Variants in IQANK1 observed in about 807,000 individuals in gnomAD.
IQANK1 encodes IQ motif and ankyrin repeat containing 1.
IQANK1 carries 30 observed loss-of-function variants against 22.6 expected under a neutral mutation model. The observed-to-expected ratio is 1.33, with a 90% CI of 0.99 to 1.80. The LOEUF (loss-of-function observed/expected upper bound fraction) is 1.80, where lower values mean the gene tolerates loss of function less well. IQANK1 is among the 40% of genes most tolerant of loss of function. The pLI is 0.00. For synonymous variants in IQANK1, 122 were observed against 99.6 expected (o/e 1.23, Z -1.34); for missense variants, 275 against 235.2 (o/e 1.17, Z -1.11).
intron 2 of IQANK1, chr8:143,739,361 C>G (rs919311453): frequency 6.5e-6 from 1 of 152,852 alleles, no homozygotes; most frequent in African/African-American, 2.4e-5. Context: ...TTGCCTGGCG[C>G]AACCCTGCCT....
chr8:143,761,546 G>T (rs1554628883), intron 3 of IQANK1, among the ~76,000 whole-genome samples: 1 of 152,196 alleles, frequency 6.6e-6, no homozygotes, highest in Non-Finnish European at 1.5e-5. Flanking sequence ...TATGCGGGAG[G>T]ATTGCTTCAG....
Position 143,735,281 on chromosome 8 carries a change from C to A in IQANK1, c.-4-569C>A, listed in dbSNP as rs1554625495. Among the ~76,000 whole-genome samples the A allele has an allele frequency of 6.6e-6, 1 of 152,162 alleles. No homozygotes were observed. The highest frequency in any genetic ancestry group is 2.4e-5 in the African/African-American group (1 of 41,442). ...AGGAGGAGCCTCCCAGGGAAATGAA[C>A]TTGGGGGTCAGCTGTGTGGACTAGG... On this transcript the variant is annotated intron_variant, in intron 1 of 13. Transcript: ENST00000527139. The surrounding 1 kb of genome is among the most constrained non-coding windows in gnomAD (Gnocchi z 5.2).
At chr8:143,785,796 A>C (rs1409164234) in intron 7 of IQANK1, among the ~76,000 whole-genome samples, 1 of 150,192 alleles carries the variant, frequency 6.7e-6, no homozygotes, top group Non-Finnish European at 1.5e-5. Context: ...GCACGATCTC[A>C]GCTCACTGCA....
intron 3 of IQANK1, among the ~76,000 whole-genome samples, chr8:143,747,977 T>TCCCTTTCCCTTTCCCTTTC (rs1478933242): frequency 1.4e-3 from 196 of 140,148 alleles, no homozygotes; most frequent in African/African-American, 5.3e-3. Flanking sequence ...CCTTTCCCTT[T>TCCCTTTCCCTTTCCCTTTC]CCTTTCCCTT....
chr8:143,755,323 C>T (rs1189289679), intron 3 of IQANK1, among the ~76,000 whole-genome samples: 2 of 152,148 alleles, frequency 1.3e-5, no homozygotes, highest in African/African-American at 2.4e-5. Context: ...TAGTCCGCAT[C>T]AATGTTGTGT....
intron 7 of IQANK1, among the ~76,000 whole-genome samples, chr8:143,786,877 G>A (rs1480071086): frequency 6.6e-6 from 1 of 152,168 alleles, no homozygotes; most frequent in African/African-American, 2.4e-5. Context: ...TCCTGAGGGG[G>A]ACAAGGAAGG....
At chr8:143,788,008 C>T (rs191259160) in intron 7 of IQANK1, among the ~76,000 whole-genome samples, 203 of 152,310 alleles carry the variant, frequency 1.3e-3, no homozygotes, top group Admixed American at 2.3e-3. Flanking sequence ...CCTCGGGCCC[C>T]GACTGTTTCG....
At chr8:143,787,685 C>T (rs556776188) in intron 7 of IQANK1, among the ~76,000 whole-genome samples, 59 of 152,304 alleles carry the variant, frequency 3.9e-4, no homozygotes, top group African/African-American at 1.4e-3. Context: ...CTCATCCTGT[C>T]TTCATCCTTC....
At chr8:143,780,173 CT>C (rs1170164097) in intron 7 of IQANK1, among the ~76,000 whole-genome samples, 3 of 152,148 alleles carry the variant, frequency 2.0e-5, no homozygotes, top group South Asian at 4.2e-4. Context: ...TTGCTTCCTT[CT>C]TTTTTTCAAG....
chr8:143,748,803 A>G (rs55990643), intron 3 of IQANK1, among the ~76,000 whole-genome samples: 1 of 94,390 alleles, frequency 1.1e-5, no homozygotes, highest in Non-Finnish European at 2.0e-5. Context: ...ATATAAATAT[A>G]TATCATATAA....
chr8:143,780,903 C>T (rs1412212625), intron 7 of IQANK1, among the ~76,000 whole-genome samples: 1 of 152,200 alleles, frequency 6.6e-6, no homozygotes, highest in Non-Finnish European at 1.5e-5. Flanking sequence ...AATTCCCATA[C>T]TGCTTTCCAC....
intron 3 of IQANK1, among the ~76,000 whole-genome samples, chr8:143,763,024 TTTC>T (rs150567075): frequency 0.032 from 4,940 of 152,072 alleles, 258 homozygotes; most frequent in African/African-American, 0.11. Context: ...TCCTTTTCTT[TTTC>T]TTTTCTTAAA....
chr8:143,773,308 A>AAAC (rs1819617982), intron 7 of IQANK1, among the ~76,000 whole-genome samples: 3 of 134,376 alleles, frequency 2.2e-5, no homozygotes, highest in African/African-American at 1.1e-4. Flanking sequence ...CTCAAAAAAA[A>AAAC]AAAAAAAACA....
intron 7 of IQANK1, among the ~76,000 whole-genome samples, chr8:143,784,882 A>G (rs142881392): frequency 6.6e-6 from 1 of 152,332 alleles, no homozygotes; most frequent in African/African-American, 2.4e-5. Context: ...CAGCACTAGT[A>G]ACTTACCACA....
At chr8:143,769,670 C>T (rs1367512607) in intron 3 of IQANK1, among the ~76,000 whole-genome samples, 1 of 152,212 alleles carries the variant, frequency 6.6e-6, no homozygotes, top group Non-Finnish European at 1.5e-5. Context: ...TGGGCCAGGC[C>T]AGGCCCACCT....
chr8:143,770,394 G>C (rs1819549733), intron 3 of IQANK1, among the ~76,000 whole-genome samples: 1 of 152,150 alleles, frequency 6.6e-6, no homozygotes. Context: ...CTGCCACTCG[G>C]GGTCCCGCCC....
At chr8:143,744,589 AATTT>A (rs1167986034) in intron 3 of IQANK1, 33 of 152,162 alleles carry the variant, frequency 2.2e-4, no homozygotes, top group Admixed American at 2.1e-3. Flanking sequence ...GGTCATTATT[AATTT>A]GTTTTTGCAA....
chr8:143,736,899 G>T (rs991137846), intron 2 of IQANK1, among the ~76,000 whole-genome samples: 7 of 151,950 alleles, frequency 4.6e-5, no homozygotes, highest in Admixed American at 3.9e-4. Context: ...GGGTCCTTCA[G>T]CACCCAGGCC....
chr8:143,734,742 A>G (rs1337033719), intron 1 of IQANK1, among the ~76,000 whole-genome samples: 1 of 151,782 alleles, frequency 6.6e-6, no homozygotes, highest in Non-Finnish European at 1.5e-5. Context: ...CACATACGGA[A>G]CCCTGTGTAC....
Sources: allele counts gnomAD v4.1 joint callset (sites outside exome capture counted in the v4.1 genomes callset), GRCh38; gene constraint gnomAD v4.1.1; non-coding constraint Gnocchi (gnomAD v3.1); transcripts MANE v1.5; gene names NCBI Gene and HGNC (gene_info 2026-07-23, HGNC 2026-07-21).